The following AOPEP variants were observed in gnomAD, a reference collection of about 807,000 sequenced individuals.
AOPEP encodes aminopeptidase O.
In AOPEP, 77 loss-of-function variants were observed where a neutral mutation model predicts 98.1. The observed-to-expected ratio is 0.78, with a 90% CI of 0.65 to 0.95. The LOEUF is 0.95. Among genes scored for constraint, AOPEP ranks in the 40% least tolerant of loss-of-function variants. The pLI is 0.00. For synonymous variants in AOPEP, 346 were observed against 365.3 expected (o/e 0.95, Z 0.60); for missense variants, 1,024 against 1,024.7 (o/e 1.00, Z 0.01).
intron 5 of AOPEP, among the ~76,000 whole-genome samples, chr9:94,832,968 C>T (rs1285971429): frequency 1.3e-5 from 2 of 148,568 alleles, no homozygotes; most frequent in East Asian, 3.9e-4. Flanking sequence ...GAGTCTCGCT[C>T]TGTTGCCCAG....
intron 11 of AOPEP, among the ~76,000 whole-genome samples, chr9:94,991,046 C>A (rs1282545447): frequency 6.6e-6 from 1 of 152,202 alleles, no homozygotes. Context: ...GACCCCTTGG[C>A]TGTTTGACAT....
At chr9:95,074,164 T>C (rs1454379409) in intron 14 of AOPEP, among the ~76,000 whole-genome samples, 1 of 152,216 alleles carries the variant, frequency 6.6e-6, no homozygotes, top group Non-Finnish European at 1.5e-5. Flanking sequence ...CCAGGTTGCA[T>C]GTCTGCTTGG....
At chr9:94,801,522 T>G (rs767460349) in intron 5 of AOPEP, among the ~76,000 whole-genome samples, 1 of 152,232 alleles carries the variant, frequency 6.6e-6, no homozygotes, top group Non-Finnish European at 1.5e-5. Context: ...AATCTATCCC[T>G]ACTGCTAGAA....
intron 3 of AOPEP, among the ~76,000 whole-genome samples, chr9:94,787,446 T>C (rs1844679921): frequency 6.6e-6 from 1 of 152,238 alleles, no homozygotes; most frequent in African/African-American, 2.4e-5. Context: ...GTTTCTGCTG[T>C]TTCCACAAGT....
At chr9:95,089,886 CCTT>C (rs554730765), downstream of AOPEP, among the ~76,000 whole-genome samples, 58 of 152,256 alleles carry the variant, frequency 3.8e-4, no homozygotes, top group Non-Finnish European at 6.8e-4. Flanking sequence ...ACAGGAACAA[CCTT>C]CTTTACCAAC....
intron 14 of AOPEP, among the ~76,000 whole-genome samples, chr9:95,074,936 T>C (rs1368531119): frequency 1.3e-5 from 2 of 152,218 alleles, no homozygotes; most frequent in Non-Finnish European, 2.9e-5. Context: ...CTTGAGAGGC[T>C]GGATCCAGGG....
the AOPEP span, chr9:95,101,309 T>G: frequency 3.0e-6 from 1 of 329,858 alleles, no homozygotes; most frequent in East Asian, 4.6e-5. Context: ...CTCTCTAAAT[T>G]CTTTAATGGT....
At chr9:94,937,197 C>G (rs1316160215) in intron 7 of AOPEP, among the ~76,000 whole-genome samples, 1 of 152,224 alleles carries the variant, frequency 6.6e-6, no homozygotes, top group Non-Finnish European at 1.5e-5. Context: ...TACCTAGGGG[C>G]TGCTAGCCAC....
intron 1 of AOPEP, among the ~76,000 whole-genome samples, chr9:94,750,860 G>A (rs1479074750): frequency 6.8e-6 from 1 of 146,322 alleles, no homozygotes; most frequent in Non-Finnish European, 1.5e-5. Flanking sequence ...CCATTCTCCT[G>A]CCTCAGCCTC....
At chr9:94,986,073 C>T (rs1450583343) in intron 11 of AOPEP, among the ~76,000 whole-genome samples, 1 of 152,186 alleles carries the variant, frequency 6.6e-6, no homozygotes, top group Non-Finnish European at 1.5e-5. Flanking sequence ...GACTGGGTGG[C>T]TTAAACAACA....
intron 13 of AOPEP, among the ~76,000 whole-genome samples, chr9:95,052,618 C>T (rs1176887009): frequency 2.0e-5 from 3 of 152,114 alleles, no homozygotes; most frequent in East Asian, 3.8e-4. Context: ...AAAGAAGAAT[C>T]GTGTTGATAA....
At chr9:94,816,581 G>C (rs1468677400) in intron 5 of AOPEP, among the ~76,000 whole-genome samples, 2 of 152,122 alleles carry the variant, frequency 1.3e-5, no homozygotes, top group Non-Finnish European at 2.9e-5. Flanking sequence ...GGTGACCCTG[G>C]CAGGGCTCTG....
At chr9:95,118,376 C>T in the AOPEP span, among the ~76,000 whole-genome samples, 1 of 152,208 alleles carries the variant, frequency 6.6e-6, no homozygotes, top group Non-Finnish European at 1.5e-5. Context: ...TTTCGAGGGC[C>T]AAAGAGCTAC....
At chr9:94,765,597 G>C (rs940106052) in intron 2 of AOPEP, among the ~76,000 whole-genome samples, 1 of 151,128 alleles carries the variant, frequency 6.6e-6, no homozygotes, top group African/African-American at 2.4e-5. Flanking sequence ...GTGAGACCCC[G>C]TCTTGAAAAA....
intron 13 of AOPEP, among the ~76,000 whole-genome samples, chr9:95,035,381 A>C (rs1587715242): frequency 2.0e-5 from 3 of 152,110 alleles, no homozygotes; most frequent in African/African-American, 4.8e-5. Context: ...GTTCAGGGCC[A>C]GTTGGAACAT....
At position 95,004,653 on chromosome 9, in the gene AOPEP, G is replaced by T. The variant is rs570899465; in HGVS notation, c.1978-505G>T. 3.8e-3 allele frequency among the ~76,000 whole-genome samples: 578 copies of T among 151,816 alleles called. 2 individuals carry two copies. The highest frequency in any genetic ancestry group is 6.3e-3 in the Non-Finnish European group (429 of 67,812). ...GCCACCGCTCCCTCCAGCCTGCGGCGGGCGGCGCGGGCCCCTCTCGCTGCC... is the reference window on the plus strand; with the variant it reads ...GCCACCGCTCCCTCCAGCCTGCGGCTGGCGGCGCGGGCCCCTCTCGCTGCC... On this transcript the variant is annotated intron_variant, in intron 11 of 16. Coordinates refer to ENST00000375315, the MANE Select transcript of AOPEP (RefSeq NM_001193329.3).
intron 5 of AOPEP, among the ~76,000 whole-genome samples, chr9:94,901,928 G>T (rs554398616): frequency 1.2e-3 from 183 of 152,152 alleles, no homozygotes; most frequent in African/African-American, 4.1e-3. Flanking sequence ...GAAAAGAAAA[G>T]AAAAAGTGCT....
chr9:95,040,981 A>G (rs1012758252), intron 13 of AOPEP, among the ~76,000 whole-genome samples: 18 of 152,094 alleles, frequency 1.2e-4, no homozygotes, highest in South Asian at 4.2e-4. Context: ...TTTAGAATAC[A>G]TAACATTGTG....
chr9:95,101,085 A>G, the AOPEP span: 1 of 235,968 alleles, frequency 4.2e-6, no homozygotes, highest in Admixed American at 5.4e-5. Flanking sequence ...GGTAGCAGTT[A>G]GCATCATTTA....
Sources: gnomAD v4.1 joint callset for allele counts (sites outside exome capture counted in the v4.1 genomes callset) on GRCh38, gnomAD v4.1.1 for gene constraint, MANE v1.5 for transcripts, NCBI Gene and HGNC (gene_info 2026-07-23, HGNC 2026-07-21) for gene names.